The following SNTB1 variants were observed in gnomAD, a reference collection of about 807,000 sequenced individuals.
SNTB1 encodes the protein beta-1-syntrophin.
In SNTB1, 36 loss-of-function variants were observed where a neutral mutation model predicts 48.9. The observed-to-expected ratio is 0.74, with a 90% confidence interval of 0.56 to 0.97. The LOEUF is 0.97. Ranked by LOEUF, SNTB1 falls within the 50% of genes least tolerant of loss-of-function variation. SNTB1 has a pLI of 0.00. For synonymous variants in SNTB1, 299 were observed against 294.6 expected (o/e 1.01, Z -0.15); for missense variants, 786 against 703.4 (o/e 1.12, Z -1.33).
chr8:120,780,274 C>T (rs1819812541), intron 1 of SNTB1, among the ~76,000 whole-genome samples: 2 of 152,300 alleles, frequency 1.3e-5, no homozygotes, highest in South Asian at 4.1e-4. Flanking sequence ...CAGACATATC[C>T]TTGAATATCT....
chr8:120,763,506 A>G (rs1819460694), intron 1 of SNTB1, among the ~76,000 whole-genome samples: 1 of 152,216 alleles, frequency 6.6e-6, no homozygotes, highest in Admixed American at 6.5e-5. Context: ...AAACAATCTT[A>G]ATGTGAGATA....
At chr8:120,728,271 G>A (rs1282768956) in intron 1 of SNTB1, among the ~76,000 whole-genome samples, 1 of 152,062 alleles carries the variant, frequency 6.6e-6, no homozygotes, top group African/African-American at 2.4e-5. Flanking sequence ...TGGGATTACA[G>A]GCATGAGCCA....
chr8:120,712,330 G>T (rs1246319110), intron 1 of SNTB1, among the ~76,000 whole-genome samples: 2 of 149,812 alleles, frequency 1.3e-5, no homozygotes, highest in Non-Finnish European at 3.0e-5. Flanking sequence ...CAGGAGAATG[G>T]CATGAACCTG....
Position 120,541,866 on chromosome 8 carries a change from A to C in SNTB1, c.1468T>G (p.Ser490Ala). 1 of 1,613,984 alleles carries C rather than the reference A, an allele frequency of 6.2e-7. No homozygotes were observed. The highest frequency in any genetic ancestry group is 1.1e-5 in the South Asian group (1 of 91,050). The change falls in exon 6 of 7, where the codon TCA becomes GCA. Residue 490 changes from serine to alanine, a missense_variant. Coordinates refer to ENST00000517992, the MANE Select transcript of SNTB1 (RefSeq NM_021021.4). Reference protein sequence around the residue: ...QSPYEKLKMSSDDGIRMLYLD... With the variant: ...QSPYEKLKMSADDGIRMLYLD... ...TACAGCATCCTGATTCCATCATCTG[A>C]AGACATTTTGAGCTTTTCATAAGGA...
At chr8:120,713,723 C>G (rs1818506975) in intron 1 of SNTB1, among the ~76,000 whole-genome samples, 1 of 152,158 alleles carries the variant, frequency 6.6e-6, no homozygotes, top group South Asian at 2.1e-4. Flanking sequence ...GAGAGAGACT[C>G]CATCTCAAAA....
At chr8:120,741,894 G>A (rs923977816) in intron 1 of SNTB1, among the ~76,000 whole-genome samples, 1 of 152,198 alleles carries the variant, frequency 6.6e-6, no homozygotes, top group Non-Finnish European at 1.5e-5. Flanking sequence ...AGGAGGTGGA[G>A]TATGCCATAA....
intron 1 of SNTB1, among the ~76,000 whole-genome samples, chr8:120,762,715 C>CTA (rs1442499077): frequency 1.3e-5 from 2 of 152,188 alleles, no homozygotes; most frequent in East Asian, 3.9e-4. Context: ...AAACCTAAGG[C>CTA]TATGGTCTTT....
Position 120,539,625 on chromosome 8 carries a change from T to C in SNTB1, c.1525-656A>G, listed in dbSNP as rs553666771. ...AACCTGGCACATGCAAGACTTACAG[T>C]CTGAGCAGGAGAGTCCTTCAGAAGT... On this transcript the variant is annotated intron_variant, in intron 6 of 6. Coordinates refer to ENST00000517992, the MANE Select transcript of SNTB1 (RefSeq NM_021021.4). Among the ~76,000 whole-genome samples the C allele has an allele frequency of 2.0e-5, 3 of 152,312 alleles. No individual in the cohort carries two copies. The East Asian group carries it at 5.8e-4, about 29-fold the overall frequency.
chr8:120,752,884 C>G (rs1230826397), intron 1 of SNTB1, among the ~76,000 whole-genome samples: 1 of 151,066 alleles, frequency 6.6e-6, no homozygotes, highest in African/African-American at 2.4e-5. Flanking sequence ...ATACTCGCTA[C>G]CTGGGTAATG....
intron 1 of SNTB1, among the ~76,000 whole-genome samples, chr8:120,792,472 T>C (rs1443436675): frequency 6.6e-6 from 1 of 151,898 alleles, no homozygotes; most frequent in Non-Finnish European, 1.5e-5. Context: ...ATAACAAAAA[T>C]CTACTTTATC....
chr8:120,654,968 C>A (rs1817474488), intron 2 of SNTB1: 1 of 456,008 alleles, frequency 2.2e-6, no homozygotes, highest in Admixed American at 2.4e-5. Flanking sequence ...TCGGGGAATC[C>A]AGGAGAATTC....
At position 120,693,907 on chromosome 8, in the gene SNTB1, C is replaced by T. The variant is rs1195781365; in HGVS notation, c.573G>A (p.Val191=). The change falls in exon 2 of 7, where the codon GTG becomes GTA. Residue 191 remains valine, a splice_region_variant and synonymous_variant. Coordinates refer to ENST00000517992, the MANE Select transcript of SNTB1 (RefSeq NM_021021.4). The part of the protein sequence containing the change: ...KRAGKEVLLE[V]KYMREATPYV... ...AGGGCGTGGCTTCTCGCATGTACTT[C>T]ACTGCAAGGAAAAAGACAACAAGTG... The T allele has an allele frequency of 6.2e-7, 1 of 1,611,910 alleles. No homozygotes were observed. The highest frequency in any genetic ancestry group is 8.5e-7 in the Non-Finnish European group (1 of 1,178,578).
intron 4 of SNTB1, among the ~76,000 whole-genome samples, chr8:120,552,724 T>C (rs1815502324): frequency 1.3e-5 from 2 of 152,118 alleles, no homozygotes; most frequent in South Asian, 4.2e-4. Context: ...AGATGGGGAA[T>C]TGGGGATTGG....
intron 3 of SNTB1, among the ~76,000 whole-genome samples, chr8:120,577,987 C>T (rs753631359): frequency 3.3e-5 from 5 of 152,134 alleles, no homozygotes; most frequent in Middle Eastern, 3.2e-3. Context: ...CCTATGGGGA[C>T]AAACAACTTT....
intron 1 of SNTB1, among the ~76,000 whole-genome samples, chr8:120,743,821 C>T (rs1819082275): frequency 2.0e-5 from 3 of 152,134 alleles, no homozygotes; most frequent in Admixed American, 6.5e-5. Flanking sequence ...AATAAAATGT[C>T]ATTTCTTTAT....
chr8:120,777,092 C>T (rs898241483), intron 1 of SNTB1, among the ~76,000 whole-genome samples: 2 of 152,164 alleles, frequency 1.3e-5, no homozygotes, highest in African/African-American at 2.4e-5. Flanking sequence ...CAGAACTTTC[C>T]AGGAGCCATA....
At position 120,615,774 on chromosome 8, in the gene SNTB1, A is replaced by G. The variant is rs192536206; in HGVS notation, c.996+16670T>C. Among the ~76,000 whole-genome samples, 398 of 152,308 alleles carry G rather than the reference A, an allele frequency of 2.6e-3. 3 individuals are homozygous for G. Among genetic ancestry groups the G allele is most frequent in the Non-Finnish European group, 3.9e-3 (266 of 68,030 alleles). Reference sequence around the variant, plus strand: ...AATCGAACGGAGGTAAAAAGATTACAGCATGTCTTTCTCCTTCCTTAGTTT... The same window carrying G: ...AATCGAACGGAGGTAAAAAGATTACGGCATGTCTTTCTCCTTCCTTAGTTT... On this transcript the variant is annotated intron_variant, in intron 3 of 6. Coordinates refer to ENST00000517992, the MANE Select transcript of SNTB1 (RefSeq NM_021021.4).
At chr8:120,701,236 T>C (rs1025471047) in intron 1 of SNTB1, among the ~76,000 whole-genome samples, 5 of 152,312 alleles carry the variant, frequency 3.3e-5, no homozygotes, top group Admixed American at 1.3e-4. Flanking sequence ...TCAGAAGTTA[T>C]AGCTAATGTC....
chr8:120,563,868 G>GGGA (rs1262209642), intron 4 of SNTB1, among the ~76,000 whole-genome samples: 3 of 152,076 alleles, frequency 2.0e-5, no homozygotes, highest in African/African-American at 7.2e-5. Flanking sequence ...TCAGCACTTT[G>GGGA]GGAGGCCAAG....
Sources: allele counts gnomAD v4.1 joint callset (sites outside exome capture counted in the v4.1 genomes callset), GRCh38; gene constraint gnomAD v4.1.1; transcripts MANE v1.5; gene names NCBI Gene and HGNC (gene_info 2026-07-23, HGNC 2026-07-21).